The following ATP11C variants were observed in gnomAD, a reference collection of about 807,000 sequenced individuals.
ATP11C encodes the protein phospholipid-transporting ATPase IG.
Under a neutral mutation model 97.4 loss-of-function variants are expected in ATP11C, and 36 were observed. That is an observed-to-expected ratio of 0.37 (90% CI 0.28 to 0.49). The LOEUF is 0.49. Among genes scored for constraint, ATP11C ranks in the 20% least tolerant of loss-of-function variants. ATP11C has a pLI of 0.98. For synonymous variants in ATP11C, 275 were observed against 290.9 expected (o/e 0.95, Z 0.56); for missense variants, 730 against 824.6 (o/e 0.89, Z 1.40).
chrX:139,783,327 T>C (rs2148718982), intron 16 of ATP11C, 60 bp from the exon 17 acceptor site: 1 of 852,561 alleles, frequency 1.2e-6, no homozygotes, highest in South Asian at 2.4e-5. Flanking sequence ...GTGGTTTTAG[T>C]AAGAGTAACT....
At chrX:139,778,789 G>A (rs970177959) in intron 18 of ATP11C, among the ~76,000 whole-genome samples, 2 of 111,289 alleles carry the variant, frequency 1.8e-5, no homozygotes, top group African/African-American at 6.5e-5. Context: ...GGATTGCGCC[G>A]CTGCACTCTA....
Position 139,795,116 on chromosome X carries a change from C to T in ATP11C, c.1206+1157G>A, listed in dbSNP as rs1309778706. On this transcript the variant is annotated intron_variant, in intron 12 of 29. Coordinates refer to ENST00000682941, the MANE Select transcript of ATP11C (RefSeq NM_001353812.2). ...TGGCCTAAAAGACAATGGTCAGGTA[C>T]GGCAGCCCACATTGTCAACAAAATA... Among the ~76,000 whole-genome samples the T allele has an allele frequency of 8.9e-5, 10 of 111,894 alleles. No individual in the cohort carries two copies. The Admixed American group carries it at 9.5e-4, about 11-fold the overall frequency.
intron 1 of ATP11C, among the ~76,000 whole-genome samples, chrX:139,855,113 T>C (rs2084068194): frequency 8.9e-6 from 1 of 111,970 alleles, no homozygotes; most frequent in Non-Finnish European, 1.9e-5. Context: ...ATTTAGCTTA[T>C]CTGGTATAAA....
chrX:139,871,826 G>A (rs770608357), intron 1 of ATP11C, among the ~76,000 whole-genome samples: 5 of 111,087 alleles, frequency 4.5e-5, no homozygotes, highest in African/African-American at 9.8e-5. Context: ...AACCTCACCC[G>A]ACCTGTTTAA....
chrX:139,729,925 C>A (rs2081307848), intron 29 of ATP11C, among the ~76,000 whole-genome samples: 1 of 111,423 alleles, frequency 9.0e-6, no homozygotes, highest in African/African-American at 3.3e-5. Context: ...TTCTCCAGAA[C>A]CACTAGTAGG....
chrX:139,861,049 A>C (rs1009087359), intron 1 of ATP11C, among the ~76,000 whole-genome samples: 1 of 111,870 alleles, frequency 8.9e-6, no homozygotes, highest in African/African-American at 3.3e-5. Context: ...TGGGGACCAG[A>C]GAGGAAGAAG....
intron 16 of ATP11C, 52 bp from the exon 17 acceptor site, chrX:139,783,319 G>A: frequency 1.1e-6 from 1 of 942,251 alleles, no homozygotes; most frequent in Non-Finnish European, 1.5e-6. Context: ...CTGGTATTGT[G>A]GTTTTAGTAA....
intron 1 of ATP11C, among the ~76,000 whole-genome samples, chrX:139,929,376 T>C (rs780038186): frequency 8.9e-6 from 1 of 112,138 alleles, no homozygotes; most frequent in Non-Finnish European, 1.9e-5. Context: ...ACCATGTATT[T>C]AAAAAAATAC....
chrX:139,848,175 C>A (rs1488206667), intron 1 of ATP11C, among the ~76,000 whole-genome samples: 1 of 111,743 alleles, frequency 8.9e-6, no homozygotes, highest in East Asian at 2.8e-4. Flanking sequence ...TCTCTGGTCA[C>A]TTATTGCCCA....
intron 1 of ATP11C, among the ~76,000 whole-genome samples, chrX:139,927,183 A>G (rs1223205457): frequency 8.9e-6 from 1 of 112,109 alleles, no homozygotes; most frequent in Non-Finnish European, 1.9e-5. Flanking sequence ...TCAGGAAGAC[A>G]GGAACCTTGT....
At chrX:139,746,867 C>T (rs1337611647) in intron 24 of ATP11C, among the ~76,000 whole-genome samples, 1 of 111,792 alleles carries the variant, frequency 8.9e-6, no homozygotes, top group Non-Finnish European at 1.9e-5. Context: ...TCTAATTACT[C>T]AAATAACATA....
intron 3 of ATP11C, among the ~76,000 whole-genome samples, chrX:139,818,848 C>G (rs1032134071): frequency 8.9e-6 from 1 of 111,930 alleles, no homozygotes; most frequent in Non-Finnish European, 1.9e-5. Context: ...ATTTAAAACA[C>G]AAAACAGTAG....
intron 1 of ATP11C, among the ~76,000 whole-genome samples, chrX:139,878,974 G>C (rs2084520683): frequency 9.0e-6 from 1 of 111,042 alleles, no homozygotes; most frequent in Non-Finnish European, 1.9e-5. Flanking sequence ...AACCAGGCAT[G>C]GTAGCGTACA....
intron 1 of ATP11C, among the ~76,000 whole-genome samples, chrX:139,861,784 A>G (rs778081726): frequency 9.0e-6 from 1 of 111,215 alleles, no homozygotes; most frequent in South Asian, 3.8e-4. Context: ...ACACACACAC[A>G]CACACACACA....
At chrX:139,789,885 C>T (rs2082653207) in intron 12 of ATP11C, among the ~76,000 whole-genome samples, 1 of 109,971 alleles carries the variant, frequency 9.1e-6, no homozygotes, top group Non-Finnish European at 1.9e-5. Flanking sequence ...CAAAAATTAG[C>T]TGGGTGTGGT....
chrX:139,728,560 T>G lies in ATP11C; in HGVS notation c.*406A>C, dbSNP rs900887841. 3 of 142,578 alleles carry G rather than the reference T, an allele frequency of 2.1e-5. No individual in the cohort carries two copies. Among genetic ancestry groups the G allele is most frequent in the African/African-American group, 6.3e-5 (2 of 31,561 alleles). The allele number at this position is 142,578 out of a possible 1,213,427, so 11.8% of individuals were successfully genotyped here. ...CTTCTGCCAGGCAAAAAAAGTAGTATTAGCAAAATCTATTCATTCTCATTG... is the reference window on the plus strand; with the variant it reads ...CTTCTGCCAGGCAAAAAAAGTAGTAGTAGCAAAATCTATTCATTCTCATTG... On this transcript the variant is annotated 3_prime_UTR_variant, in exon 30 of 30. Transcript: ENST00000682941.
chrX:139,793,067 G>A (rs55844514), intron 12 of ATP11C, among the ~76,000 whole-genome samples: 2,130 of 111,321 alleles, frequency 0.019, 19 homozygotes, highest in Middle Eastern at 0.037. Flanking sequence ...GTTATCTCCA[G>A]GTAGACAGAA....
In ATP11C at chrX:139,832,855, T is replaced by C. The variant is rs113036712; in HGVS notation, c.28-6032A>G. On this transcript the variant is annotated intron_variant, in intron 1 of 29. Coordinates refer to ENST00000682941, the MANE Select transcript of ATP11C (RefSeq NM_001353812.2). The stretch of plus-strand genomic sequence containing the variant: ...AGATATCTCAGAGGTAAGAAAGTTA[T>C]ATCTCAGCAGCCAACAGTAATATCT... Among the ~76,000 whole-genome samples, 361 of 112,008 alleles carry C rather than the reference T, an allele frequency of 3.2e-3. 2 individuals carry two copies. The highest frequency in any genetic ancestry group is 9.9e-3 in the African/African-American group (306 of 30,835).
intron 1 of ATP11C, among the ~76,000 whole-genome samples, chrX:139,886,197 T>C (rs934535654): frequency 1.8e-5 from 2 of 111,046 alleles, no homozygotes; most frequent in African/African-American, 6.5e-5. Context: ...GAACATAAGA[T>C]CAATATATAG....
Sources: allele counts gnomAD v4.1 joint callset (sites outside exome capture counted in the v4.1 genomes callset), GRCh38; gene constraint gnomAD v4.1.1; transcripts MANE v1.5; gene names NCBI Gene and HGNC (gene_info 2026-07-23, HGNC 2026-07-21).